Variants in OR4C6 observed in about 807,000 individuals in gnomAD.
OR4C6 encodes olfactory receptor 4C6.
OR4C6 carries 20 observed loss-of-function variants against 13.9 expected under a neutral mutation model. The observed-to-expected ratio is 1.43, with a 90% confidence interval of 1.01 to 2.08. OR4C6 has a LOEUF of 2.08. OR4C6 is among the 30% of genes most tolerant of loss of function. The pLI is 0.00. For synonymous variants in OR4C6, 193 were observed against 141.5 expected (o/e 1.36, Z -2.58); for missense variants, 555 against 381.2 (o/e 1.46, Z -3.80).
At position 55,663,272 on chromosome 11, in the gene OR4C6, T is replaced by C. The variant is rs931303040; in HGVS notation, c.-43+1024T>C. Among the ~76,000 whole-genome samples the C allele has an allele frequency of 1.4e-4, 19 of 136,890 alleles. 3 individuals are homozygous for C. The highest frequency in any genetic ancestry group is 4.8e-4 in the African/African-American group (19 of 39,282). The allele number at this position is 136,890 out of a possible 152,430, so 89.8% of individuals were successfully genotyped here. A position where few individuals can be genotyped will look rare whatever the true frequency, so the allele number is the denominator to read the frequency against. On this transcript the variant is annotated intron_variant, in intron 1 of 1. Coordinates refer to ENST00000314259, the MANE Select transcript of OR4C6 (RefSeq NM_001004704.2). ...ACAGTGAAGCACATGAGAAATGAAG[T>C]CCAAACAGTAAGAGAAAAGGGGCTG...
chr11:55,664,433 G>A (rs924562148), intron 1 of OR4C6, among the ~76,000 whole-genome samples: 2 of 151,716 alleles, frequency 1.3e-5, no homozygotes, highest in African/African-American at 4.9e-5. Flanking sequence ...ATGAAGTCAG[G>A]GATTATATAG....
intron 1 of OR4C6, 136 bp downstream of exon 1, chr11:55,662,384 C>T: frequency 7.2e-6 from 1 of 138,644 alleles, no homozygotes; most frequent in East Asian, 2.4e-4. Context: ...TACTTTCACA[C>T]ATGGAGGATG....
At chr11:55,664,549 C>A (rs1216111656) in intron 1 of OR4C6, among the ~76,000 whole-genome samples, 1 of 152,022 alleles carries the variant, frequency 6.6e-6, no homozygotes, top group Non-Finnish European at 1.5e-5. Context: ...CCTACTTCAT[C>A]ACATTATTTT....
chr11:55,665,759 C>G lies in OR4C6; in HGVS notation c.593C>G (p.Thr198Ser), dbSNP rs1858738379. 2 of 1,613,790 alleles carry G rather than the reference C, an allele frequency of 1.2e-6. No homozygotes were observed. Among genetic ancestry groups the G allele is most frequent in the African/African-American group, 1.3e-5 (1 of 74,750 alleles). Residue 198 changes from threonine (T) to serine (S), a missense_variant, in exon 2 of 2, where the codon ACC (threonine) becomes AGC (serine). Thr to Ser is a moderately conservative substitution (Grantham distance 58, BLOSUM62 1). Transcript: ENST00000314259. ...ACCCACATCCTGGGCCTCTTAGTTA[C>G]CCTCAACAGTGGGATGATGTGTGTG... Reference protein sequence around the residue: ...TDTHILGLLVTLNSGMMCVAI... With the variant: ...TDTHILGLLVSLNSGMMCVAI...
In OR4C6 at chr11:55,665,806, G is replaced by A; in HGVS notation, c.640G>A (p.Ala214Thr). ...TGTGGCCATCTTTCTTATCTTAATT[G>A]CGTCCTACACGGTCATCCTATGCTC... The part of the protein sequence containing the change: ...MCVAIFLILI[A>T]SYTVILCSLK... The change falls in exon 2 of 2, where the codon GCG becomes ACG. Residue 214 changes from alanine to threonine, a missense_variant. Physicochemically the swap from Ala to Thr is moderately conservative, Grantham distance 58 (BLOSUM62 0). Transcript: ENST00000314259. 1.2e-6 allele frequency: 2 copies of A among 1,613,852 alleles called. No homozygotes were observed. Among genetic ancestry groups the A allele is most frequent in the Non-Finnish European group, 1.7e-6 (2 of 1,180,006 alleles).
chr11:55,665,946 G>A lies in OR4C6; in HGVS notation c.780G>A (p.Val260=). 6.2e-7 allele frequency: 1 copy of A among 1,613,738 alleles called. No homozygotes were observed. Among genetic ancestry groups the A allele is most frequent in the South Asian group, 1.1e-5 (1 of 91,054 alleles). ...GTATTTTCTTGTACATGAGGCCTGT[G>A]GTCACTCACCCCATAGACAAGGCAA... ...VPCIFLYMRP[V]VTHPIDKAMA... Residue 260 remains valine, a synonymous_variant, in exon 2 of 2, where the codon GTG becomes GTA. Coordinates refer to ENST00000314259, the MANE Select transcript of OR4C6 (RefSeq NM_001004704.2).
In OR4C6 at chr11:55,665,745, G is replaced by A. The variant is rs1236895272; in HGVS notation, c.579G>A (p.Leu193=). The A allele has an allele frequency of 1.9e-6, 3 of 1,613,750 alleles. No homozygotes were observed. Among genetic ancestry groups the A allele is most frequent in the South Asian group, 1.1e-5 (1 of 91,082 alleles). Residue 193 remains leucine, a synonymous_variant, in exon 2 of 2, where the codon CTG becomes CTA. Coordinates refer to ENST00000314259, the MANE Select transcript of OR4C6 (RefSeq NM_001004704.2). ...LTLACTDTHI[L]GLLVTLNSGM... Reference sequence around the variant, plus strand: ...TTGCCTGCACGGACACCCACATCCTGGGCCTCTTAGTTACCCTCAACAGTG... The same window carrying A: ...TTGCCTGCACGGACACCCACATCCTAGGCCTCTTAGTTACCCTCAACAGTG...
rs1453124531 is a variant in OR4C6, at chr11:55,663,165, T to C, written c.-43+917T>C. Among the ~76,000 whole-genome samples the C allele has an allele frequency of 1.2e-4, 17 of 137,482 alleles. 3 individuals carry two copies. The highest frequency in any genetic ancestry group is 4.3e-4 in the African/African-American group (17 of 39,404). The allele number at this position is 137,482 out of a possible 152,430, so 90.2% of individuals were successfully genotyped here. ...TGTGTCTGAATTCAGGAACATACCC[T>C]TTGAACAGAAGATTAAGTATGGAAA... On this transcript the variant is annotated intron_variant, in intron 1 of 1. Coordinates refer to ENST00000314259, the MANE Select transcript of OR4C6 (RefSeq NM_001004704.2).
At chr11:55,665,015 T>C in intron 1 of OR4C6, 110 bp from the exon 2 acceptor site, 3 of 588,860 alleles carry the variant, frequency 5.1e-6, no homozygotes, top group South Asian at 2.2e-5. Context: ...AGAAGTCAAA[T>C]GCCTAGATGG....
chr11:55,664,296 T>G (rs1858707106), intron 1 of OR4C6, among the ~76,000 whole-genome samples: 2 of 152,080 alleles, frequency 1.3e-5, no homozygotes, highest in Non-Finnish European at 2.9e-5. Flanking sequence ...CTGAAATCCT[T>G]TGTTCCATTT....
chr11:55,664,532 A>G (rs1462691500), intron 1 of OR4C6, among the ~76,000 whole-genome samples: 1 of 152,138 alleles, frequency 6.6e-6, no homozygotes, highest in East Asian at 1.9e-4. Context: ...AAAAAGCACA[A>G]GAATAACCTA....
Position 55,665,948 on chromosome 11 carries a change from TCACTC to T in OR4C6, c.783_787del (p.Thr262ProfsTer?). 1 of 1,613,940 alleles carries T rather than the reference TCACTC, an allele frequency of 6.2e-7. No homozygotes were observed. On this transcript the variant is annotated frameshift_variant, in exon 2 of 2. Transcript: ENST00000314259. LOFTEE classifies it high-confidence loss of function. ...ATTTTCTTGTACATGAGGCCTGTGG[TCACTC>T]ACCCCATAGACAAGGCAATGGCTGT... is the stretch of plus-strand genomic sequence containing the variant.
In OR4C6 at chr11:55,665,389, G is replaced by C. The variant is rs201388016; in HGVS notation, c.223G>C (p.Val75Leu). The change falls in exon 2 of 2, where the codon GTT (valine) becomes CTT (leucine). Residue 75 changes from valine (V) to leucine (L), a missense_variant. Coordinates refer to ENST00000314259, the MANE Select transcript of OR4C6 (RefSeq NM_001004704.2). ...TTTGGATGTCATGTTCTCATCTGTC[G>C]TTGCCCCCAAGGTGATTGTAGACAC... ...SLLDVMFSSV[V>L]APKVIVDTLS... is the part of the protein sequence containing the mutation. 1.2e-6 allele frequency: 2 copies of C among 1,613,202 alleles called. No individual in the cohort carries two copies. Among genetic ancestry groups the C allele is most frequent in the South Asian group, 1.1e-5 (1 of 91,062 alleles).
At chr11:55,662,854 C>T (rs986926042) in intron 1 of OR4C6, among the ~76,000 whole-genome samples, 3 of 138,898 alleles carry the variant, frequency 2.2e-5, no homozygotes, top group African/African-American at 7.5e-5. Context: ...GCCTGGGCAT[C>T]GGAGTTAGTC....
intron 1 of OR4C6, among the ~76,000 whole-genome samples, chr11:55,662,943 T>A (rs12420685): frequency 0.26 from 35,302 of 137,816 alleles, 9,648 homozygotes; most frequent in Admixed American, 0.33. Flanking sequence ...CCAGTCATAA[T>A]ACTTATTTCA....
chr11:55,664,490 G>C (rs1172563853), intron 1 of OR4C6, among the ~76,000 whole-genome samples: 1 of 151,892 alleles, frequency 6.6e-6, no homozygotes, highest in Non-Finnish European at 1.5e-5. Context: ...TAGAAGAAAA[G>C]CACACAATTG....
Position 55,665,535 on chromosome 11 carries a change from C to T in OR4C6, c.369C>T (p.Ala123=), listed in dbSNP as rs367727475. The T allele has an allele frequency of 6.2e-7, 1 of 1,613,814 alleles. No individual in the cohort carries two copies. The highest frequency in any genetic ancestry group is 8.5e-7 in the Non-Finnish European group (1 of 1,179,998). The change falls in exon 2 of 2, where the codon GCC becomes GCT. Residue 123 remains alanine (A), a synonymous_variant. Transcript: ENST00000314259. ...LTVMAYDRYV[A]ICKPLHYTII... is the part of the protein sequence containing the mutation. ...TGATGGCCTATGACCGCTACGTGGCCATCTGTAAGCCCCTGCACTACACGA... is the reference window on the plus strand; with the variant it reads ...TGATGGCCTATGACCGCTACGTGGCTATCTGTAAGCCCCTGCACTACACGA...
chr11:55,664,288 G>T (rs1858706972), intron 1 of OR4C6, among the ~76,000 whole-genome samples: 1 of 152,016 alleles, frequency 6.6e-6, no homozygotes, highest in Non-Finnish European at 1.5e-5. Flanking sequence ...ATTATGCTCT[G>T]AAATCCTTTG....
At position 55,665,834 on chromosome 11, in the gene OR4C6, T is replaced by C; in HGVS notation, c.668T>C (p.Leu223Pro). 1.2e-6 allele frequency: 2 copies of C among 1,613,956 alleles called. No individual in the cohort carries two copies. Among genetic ancestry groups the C allele is most frequent in the Non-Finnish European group, 1.7e-6 (2 of 1,180,020 alleles). The change falls in exon 2 of 2, where the codon CTG becomes CCG. Residue 223 changes from leucine to proline, a missense_variant. Leu to Pro is a moderately conservative substitution (Grantham distance 98, BLOSUM62 -3). Transcript: ENST00000314259. Reference protein sequence around the residue: ...IASYTVILCSLKSYSSKGRHK... With the variant: ...IASYTVILCSPKSYSSKGRHK... ...TCCTACACGGTCATCCTATGCTCCC[T>C]GAAGTCTTACAGCTCTAAAGGGCGG...
Sources: gnomAD v4.1 joint callset for allele counts (sites outside exome capture counted in the v4.1 genomes callset) on GRCh38, gnomAD v4.1.1 for gene constraint, MANE v1.5 for transcripts, NCBI Gene and HGNC (gene_info 2026-07-23, HGNC 2026-07-21) for gene names.